PRKAG2: variants seen among roughly 807,000 people sequenced by gnomAD.
The protein encoded by PRKAG2 is protein kinase AMP-activated non-catalytic subunit gamma 2.
In PRKAG2, 26 loss-of-function variants were observed where a neutral mutation model predicts 69.6. The ratio of observed to expected loss-of-function variants is 0.37; its 90% confidence interval spans 0.27 to 0.52. The LOEUF (loss-of-function observed/expected upper bound fraction) is 0.52. PRKAG2 is among the 20% of genes least tolerant of loss of function. PRKAG2 has a pLI of 0.90. For missense variants in PRKAG2, 557 were observed against 740.0 expected, an observed-to-expected ratio of 0.75 and a Z score of 2.87; for synonymous variants, 293 against 285.0, an observed-to-expected ratio of 1.03 and a Z score of -0.28.
intron 1 of PRKAG2, among the ~76,000 whole-genome samples, chr7:151,838,166 C>T (rs1486257967): frequency 6.6e-6 from 1 of 152,040 alleles, no homozygotes; most frequent in African/African-American, 2.4e-5. Flanking sequence ...CTAGAAGCAA[C>T]GAAGGAAACA....
chr7:151,736,206 G>C (rs1586175247), intron 3 of PRKAG2: 2 of 1,403,972 alleles, frequency 1.4e-6, no homozygotes, highest in Non-Finnish European at 1.9e-6. Context: ...CAGCCCCAGA[G>C]TCTGTGAGGC....
chr7:151,658,156 CATAAATAAATAAATAA>C (rs763621170), intron 4 of PRKAG2, among the ~76,000 whole-genome samples: 10 of 120,822 alleles, frequency 8.3e-5, no homozygotes, highest in African/African-American at 2.6e-4. Context: ...GAGTCCGTCT[CATAAATAAATAAATAA>C]ATAAATAAAT....
chr7:151,622,022 A>C (rs570745907), intron 5 of PRKAG2, among the ~76,000 whole-genome samples: 13 of 152,298 alleles, frequency 8.5e-5, no homozygotes, highest in African/African-American at 2.6e-4. Context: ...TCCAAGAACT[A>C]AGTTTTTGTT....
At chr7:151,611,782 G>A (rs796494260) in intron 5 of PRKAG2, among the ~76,000 whole-genome samples, 36 of 152,264 alleles carry the variant, frequency 2.4e-4, no homozygotes, top group African/African-American at 7.7e-4. Context: ...GGCCGGGCAC[G>A]GTGGCCCATA....
chr7:151,772,560 T>A (rs771216106), intron 3 of PRKAG2, among the ~76,000 whole-genome samples: 2 of 152,232 alleles, frequency 1.3e-5, no homozygotes, highest in African/African-American at 2.4e-5. Flanking sequence ...AGGCTGTGGA[T>A]ATTTATATCA....
At chr7:151,816,945 C>A (rs897756855) in intron 1 of PRKAG2, among the ~76,000 whole-genome samples, 2 of 152,162 alleles carry the variant, frequency 1.3e-5, no homozygotes, top group African/African-American at 4.8e-5. Flanking sequence ...TGGAGACCAG[C>A]GTTTGAGAGT....
At chr7:151,573,264 C>T (rs988697138) in intron 8 of PRKAG2, among the ~76,000 whole-genome samples, 2 of 150,262 alleles carry the variant, frequency 1.3e-5, no homozygotes, top group African/African-American at 4.9e-5. Context: ...CTTAAGTAAT[C>T]CTCTCAACTC....
intron 3 of PRKAG2, among the ~76,000 whole-genome samples, chr7:151,704,908 G>A (rs1162584362): frequency 6.6e-6 from 1 of 152,168 alleles, no homozygotes; most frequent in African/African-American, 2.4e-5. Context: ...CTATGATTTA[G>A]TGGACAGACC....
chr7:151,558,087 C>T lies in PRKAG2; in HGVS notation c.1679-855G>A, dbSNP rs556598139. 8.2e-5 allele frequency: 81 copies of T among 985,296 alleles called. No homozygotes were observed. The African/African-American group carries it at 1.3e-3, about 16-fold the overall frequency. The allele number at this position is 985,296 out of a possible 1,614,324, so 61.0% of individuals were successfully genotyped here. ...AATCTATTAGAGCGTGTGGCTGAAA[C>T]ACCGTAGCTCCTGGCATCAGACTGC... On this transcript the variant is annotated intron_variant, in intron 15 of 15. Coordinates refer to ENST00000287878, the MANE Select transcript of PRKAG2 (RefSeq NM_016203.4).
At chr7:151,854,193 A>G (rs1405245765) in intron 1 of PRKAG2, among the ~76,000 whole-genome samples, 5 of 152,254 alleles carry the variant, frequency 3.3e-5, no homozygotes, top group Non-Finnish European at 7.3e-5. Flanking sequence ...TCACATTAGA[A>G]ATGAGCCTCC....
At position 151,814,801 on chromosome 7, in the gene PRKAG2, G is replaced by C. The variant is rs535730470; in HGVS notation, c.115-28260C>G. 2.8e-5 allele frequency: 35 copies of C among 1,231,852 alleles called. No individual in the cohort carries two copies. The East Asian group carries it at 1.0e-3, about 36-fold the overall frequency. The allele number at this position is 1,231,852 out of a possible 1,614,324, so 76.3% of individuals were successfully genotyped here. A position where few individuals can be genotyped will look rare whatever the true frequency, so the allele number is the denominator to read the frequency against. Reference sequence around the variant, plus strand: ...TCAAAATGCAGGCAGAGCTCGGGCAGATTCCCCCATTGACGGGACTGCAGC... The same window carrying C: ...TCAAAATGCAGGCAGAGCTCGGGCACATTCCCCCATTGACGGGACTGCAGC... On this transcript the variant is annotated intron_variant, in intron 1 of 15. Transcript: ENST00000287878. This position sits in a 1 kb window ranked among gnomAD's most constrained non-coding sequence, Gnocchi z 4.8.
intron 6 of PRKAG2, among the ~76,000 whole-genome samples, chr7:151,586,460 G>T (rs146020757): frequency 6.6e-6 from 1 of 151,994 alleles, no homozygotes; most frequent in African/African-American, 2.4e-5. Context: ...TCTGGCCTCC[G>T]AAATCAGACC....
At chr7:151,581,735 C>T (rs984267479) in intron 6 of PRKAG2, among the ~76,000 whole-genome samples, 5 of 152,192 alleles carry the variant, frequency 3.3e-5, no homozygotes, top group African/African-American at 2.4e-5. Context: ...AGCCTCATCA[C>T]ACCTCAGGCT....
At position 151,828,234 on chromosome 7, in the gene PRKAG2, G is replaced by A. The variant is rs2078951588; in HGVS notation, c.115-41693C>T. ...CTACCTCTCCTTCCCACAGAGCCTG[G>A]AGATAGGTCCCTGGTCACAGTGGCA... On this transcript the variant is annotated intron_variant, in intron 1 of 15. Transcript: ENST00000287878. This position sits in a 1 kb window ranked among gnomAD's most constrained non-coding sequence, Gnocchi z 4.6. Among the ~76,000 whole-genome samples, 1 of 152,210 alleles carries A rather than the reference G, an allele frequency of 6.6e-6. No homozygotes were observed. The highest frequency in any genetic ancestry group is 6.5e-5 in the Admixed American group (1 of 15,284).
At chr7:151,630,393 G>A (rs1824127623) in intron 5 of PRKAG2, among the ~76,000 whole-genome samples, 1 of 152,200 alleles carries the variant, frequency 6.6e-6, no homozygotes, top group African/African-American at 2.4e-5. Context: ...TCAGTACAAT[G>A]CTTAATGGCA....
At chr7:151,702,607 T>C (rs1473507967) in intron 3 of PRKAG2, among the ~76,000 whole-genome samples, 1 of 152,248 alleles carries the variant, frequency 6.6e-6, no homozygotes, top group East Asian at 1.9e-4. Flanking sequence ...ACTTTGAAGT[T>C]TCACACTCAC....
At chr7:151,683,968 G>T (rs1344743919) in intron 3 of PRKAG2, among the ~76,000 whole-genome samples, 1 of 152,126 alleles carries the variant, frequency 6.6e-6, no homozygotes, top group African/African-American at 2.4e-5. Flanking sequence ...GTGCCCTCTG[G>T]CCTGGCTCCT....
chr7:151,770,025 G>C, intron 3 of PRKAG2, among the ~76,000 whole-genome samples: 1 of 152,222 alleles, frequency 6.6e-6, no homozygotes. Flanking sequence ...AATGGGATGA[G>C]AGGTCGGATG....
At chr7:151,717,535 G>A (rs1315231600) in intron 3 of PRKAG2, among the ~76,000 whole-genome samples, 2 of 152,194 alleles carry the variant, frequency 1.3e-5, no homozygotes, top group African/African-American at 4.8e-5. Flanking sequence ...GAAAACAGGT[G>A]GCTCCAGATG....
Sources: allele counts gnomAD v4.1 joint callset (sites outside exome capture counted in the v4.1 genomes callset), GRCh38; gene constraint gnomAD v4.1.1; non-coding constraint Gnocchi (gnomAD v3.1); transcripts MANE v1.5; gene names NCBI Gene and HGNC (gene_info 2026-07-23, HGNC 2026-07-21).